The following CRYL1 variants were observed in gnomAD, a reference collection of about 807,000 sequenced individuals.
CRYL1 encodes the protein lambda-crystallin homolog.
Under a neutral mutation model 36.6 loss-of-function variants are expected in CRYL1, and 29 were observed. The ratio of observed to expected loss-of-function variants is 0.79; its 90% CI spans 0.59 to 1.08. CRYL1 has a LOEUF of 1.08. Among genes scored for constraint, CRYL1 ranks in the 50% least tolerant of loss-of-function variants. CRYL1 has a pLI of 0.00. For synonymous variants in CRYL1, 152 were observed against 151.5 expected (o/e 1.00, Z -0.02); for missense variants, 411 against 407.9 (o/e 1.01, Z -0.06).
At chr13:20,510,738 G>A (rs34356797) in intron 2 of CRYL1, among the ~76,000 whole-genome samples, 6,969 of 151,668 alleles carry the variant, frequency 0.046, 329 homozygotes, top group African/African-American at 0.12. Context: ...TCAGCCTCTC[G>A]AGTAGCTGGG....
chr13:20,517,658 C>T (rs887312942), intron 1 of CRYL1, among the ~76,000 whole-genome samples: 1 of 151,840 alleles, frequency 6.6e-6, no homozygotes, highest in Non-Finnish European at 1.5e-5. Context: ...TGTTAGTGGC[C>T]GGGCGCAGTG....
intron 5 of CRYL1, chr13:20,431,465 G>T: frequency 1.0e-6 from 1 of 985,382 alleles, no homozygotes; most frequent in Non-Finnish European, 1.2e-6. Context: ...AGACTTCTCC[G>T]CCTCGTCCTG....
intron 2 of CRYL1, among the ~76,000 whole-genome samples, chr13:20,490,247 C>T (rs1304567600): frequency 6.6e-6 from 1 of 152,274 alleles, no homozygotes; most frequent in East Asian, 1.9e-4. Context: ...GAAAAATTAG[C>T]TTGGCATTGT....
intron 5 of CRYL1, chr13:20,427,222 G>C: frequency 1.0e-6 from 1 of 985,404 alleles, no homozygotes; most frequent in Non-Finnish European, 1.2e-6. Flanking sequence ...GGCAGGGGAA[G>C]TAAGTGTCAG....
chr13:20,472,760 C>T (rs538234549), intron 3 of CRYL1, among the ~76,000 whole-genome samples: 6 of 152,336 alleles, frequency 3.9e-5, no homozygotes, highest in East Asian at 3.9e-4. Context: ...TGGGGATTCG[C>T]TCTGCTCGAA....
At chr13:20,488,913 T>G (rs2033452805) in intron 3 of CRYL1, among the ~76,000 whole-genome samples, 1 of 152,258 alleles carries the variant, frequency 6.6e-6, no homozygotes, top group Non-Finnish European at 1.5e-5. Flanking sequence ...AGGATTTCTC[T>G]TTTTTAAAGT....
At chr13:20,500,280 C>T (rs927197370) in intron 2 of CRYL1, among the ~76,000 whole-genome samples, 1 of 152,096 alleles carries the variant, frequency 6.6e-6, no homozygotes, top group Non-Finnish European at 1.5e-5. Flanking sequence ...GTAGAGTATA[C>T]TTTTGTAAAC....
intron 2 of CRYL1, among the ~76,000 whole-genome samples, chr13:20,492,937 T>C (rs1429324180): frequency 6.6e-6 from 1 of 152,080 alleles, no homozygotes; most frequent in Non-Finnish European, 1.5e-5. Context: ...GGTTATAAAT[T>C]CTCAGAGAAA....
chr13:20,461,941 G>A (rs1299208557), intron 3 of CRYL1, among the ~76,000 whole-genome samples: 1 of 145,162 alleles, frequency 6.9e-6, no homozygotes, highest in Non-Finnish European at 1.5e-5. Context: ...CTTGTGGGAG[G>A]GATGGGGTGG....
intron 3 of CRYL1, among the ~76,000 whole-genome samples, chr13:20,454,975 TA>T (rs1000472735): frequency 1.2e-4 from 19 of 152,046 alleles, no homozygotes; most frequent in African/African-American, 4.3e-4. Context: ...GAGAAAGATA[TA>T]AAAAGCATAT....
chr13:20,484,925 A>C (rs750218499), intron 3 of CRYL1, among the ~76,000 whole-genome samples: 1 of 152,160 alleles, frequency 6.6e-6, no homozygotes. Context: ...TTTAACAAAC[A>C]TGTGGGGCAG....
chr13:20,484,924 C>T (rs1482362298), intron 3 of CRYL1, among the ~76,000 whole-genome samples: 3 of 152,120 alleles, frequency 2.0e-5, no homozygotes, highest in African/African-American at 7.2e-5. Context: ...CTTTAACAAA[C>T]ATGTGGGGCA....
At chr13:20,508,743 G>T (rs2033849288) in intron 2 of CRYL1, among the ~76,000 whole-genome samples, 1 of 151,160 alleles carries the variant, frequency 6.6e-6, no homozygotes, top group Non-Finnish European at 1.5e-5. Flanking sequence ...CAGCTACTCA[G>T]GAGGCTGAGG....
chr13:20,508,876 CAAA>C (rs869116656), intron 2 of CRYL1, among the ~76,000 whole-genome samples: 2 of 41,458 alleles, frequency 4.8e-5, no homozygotes, highest in South Asian at 1.0e-3. Flanking sequence ...AAAAAAAAAA[CAAA>C]AAAAAAAAAC....
At chr13:20,467,027 A>C (rs549191149) in intron 3 of CRYL1, among the ~76,000 whole-genome samples, 6 of 151,552 alleles carry the variant, frequency 4.0e-5, no homozygotes, top group Admixed American at 3.3e-4. Context: ...GGCTCACTGG[A>C]AGCTCTGCCT....
chr13:20,404,312 CTT>C (rs2031307989), intron 7 of CRYL1, 70 bp from the exon 8 acceptor site: 3 of 1,040,286 alleles, frequency 2.9e-6, no homozygotes, highest in South Asian at 2.6e-5. Context: ...AATTATTGCT[CTT>C]GTTTATGCAA....
chr13:20,416,218 T>A (rs544526526), intron 5 of CRYL1, among the ~76,000 whole-genome samples: 1 of 152,340 alleles, frequency 6.6e-6, no homozygotes, highest in South Asian at 2.1e-4. Context: ...CCCTACCACA[T>A]GTTCACTGAC....
chr13:20,489,590 A>G, intron 2 of CRYL1, 94 bp from the exon 3 acceptor site: 5 of 1,485,994 alleles, frequency 3.4e-6, no homozygotes, highest in Non-Finnish European at 4.6e-6. Context: ...GGAAATGCCA[A>G]GCAGAACCAC....
At chr13:20,493,854 C>T (rs558080607) in intron 2 of CRYL1, among the ~76,000 whole-genome samples, 86 of 152,302 alleles carry the variant, frequency 5.6e-4, no homozygotes, top group African/African-American at 1.9e-3. Flanking sequence ...CTGCCAGAGC[C>T]ACTGGCTGAC....
Sources: allele counts gnomAD v4.1 joint callset (sites outside exome capture counted in the v4.1 genomes callset), GRCh38; gene constraint gnomAD v4.1.1; transcripts MANE v1.5; gene names NCBI Gene and HGNC (gene_info 2026-07-23, HGNC 2026-07-21).